Variants in CORO2B observed in about 807,000 individuals in gnomAD.
CORO2B encodes the protein coronin 2B.
In CORO2B, 26 loss-of-function variants were observed where a neutral mutation model predicts 58.8. The observed-to-expected ratio is 0.44, with a 90% CI of 0.32 to 0.61. CORO2B has a LOEUF of 0.61. Ranked by LOEUF, CORO2B falls within the 20% of genes least tolerant of loss-of-function variation. CORO2B has a pLI of 0.04. For missense variants in CORO2B, 460 were observed against 645.1 expected, an observed-to-expected ratio of 0.71 and a Z score of 3.11; for synonymous variants, 242 against 253.8, an observed-to-expected ratio of 0.95 and a Z score of 0.44.
intron 10 of CORO2B, 33 bp downstream of exon 10, chr15:68,719,267 C>A (rs938167781): frequency 6.2e-7 from 1 of 1,605,660 alleles, no homozygotes; most frequent in Admixed American, 1.7e-5. Context: ...AGAGCACAGG[C>A]GGCTGCAGCC....
chr15:68,622,015 C>T (rs1043054785), intron 1 of CORO2B, among the ~76,000 whole-genome samples: 13 of 152,112 alleles, frequency 8.5e-5, no homozygotes, highest in Admixed American at 1.3e-4. Context: ...ATCCTCCCAC[C>T]CCTAAGTGAT....
chr15:68,634,016 C>G (rs2140262911), intron 1 of CORO2B, among the ~76,000 whole-genome samples: 1 of 152,372 alleles, frequency 6.6e-6, no homozygotes, highest in East Asian at 1.9e-4. Flanking sequence ...ATGTCACAGG[C>G]AGGGAGCCTC....
chr15:68,677,124 G>T (rs879649391), intron 2 of CORO2B, among the ~76,000 whole-genome samples: 2 of 152,050 alleles, frequency 1.3e-5, no homozygotes, highest in Non-Finnish European at 2.9e-5. Context: ...GCCAGGCCTG[G>T]AGCCCCGGAG....
At chr15:68,631,449 C>T (rs1296585837) in intron 1 of CORO2B, among the ~76,000 whole-genome samples, 1 of 152,138 alleles carries the variant, frequency 6.6e-6, no homozygotes, top group Non-Finnish European at 1.5e-5. Context: ...CCAGTAGATA[C>T]CTAGTAAGTG....
intron 1 of CORO2B, among the ~76,000 whole-genome samples, chr15:68,610,886 T>G (rs1320534784): frequency 6.6e-6 from 1 of 152,160 alleles, no homozygotes; most frequent in Admixed American, 6.5e-5. Context: ...AGATGTGAAC[T>G]AACACCCAGA....
At chr15:68,719,747 C>T (rs1205637053) in intron 11 of CORO2B, among the ~76,000 whole-genome samples, 195 bp downstream of exon 11, 1 of 152,192 alleles carries the variant, frequency 6.6e-6, no homozygotes, top group African/African-American at 2.4e-5. Context: ...CTGGAGATAT[C>T]GGTTCCCCAC....
intron 1 of CORO2B, among the ~76,000 whole-genome samples, chr15:68,642,597 C>A (rs947868472): frequency 6.6e-6 from 1 of 152,210 alleles, no homozygotes; most frequent in African/African-American, 2.4e-5. Context: ...ATGGCCTCCA[C>A]GACTCACCTA....
intron 1 of CORO2B, chr15:68,641,441 G>A: frequency 2.6e-6 from 2 of 779,324 alleles, no homozygotes; most frequent in Middle Eastern, 1.3e-3. Context: ...GGATTTGGGG[G>A]AGAGAGGAAA....
intron 1 of CORO2B, among the ~76,000 whole-genome samples, chr15:68,610,585 C>T (rs796133029): frequency 9.9e-5 from 15 of 152,246 alleles, no homozygotes; most frequent in African/African-American, 2.9e-4. Context: ...CAGCATCCTG[C>T]GCGTTTAAAT....
At chr15:68,716,861 G>A (rs1418927585) in intron 8 of CORO2B, among the ~76,000 whole-genome samples, 1 of 149,398 alleles carries the variant, frequency 6.7e-6, no homozygotes, top group Admixed American at 6.7e-5. Context: ...GATGTTAGGA[G>A]ACCATCGGAG....
intron 1 of CORO2B, among the ~76,000 whole-genome samples, chr15:68,597,594 A>G (rs991806357): frequency 1.3e-5 from 2 of 151,670 alleles, no homozygotes; most frequent in East Asian, 3.9e-4. Flanking sequence ...CATTTAGCCA[A>G]TCACTTCTCC....
At chr15:68,723,968 G>A (rs1478641594) in intron 11 of CORO2B, among the ~76,000 whole-genome samples, 1 of 151,940 alleles carries the variant, frequency 6.6e-6, no homozygotes, top group African/African-American at 2.4e-5. Flanking sequence ...ACCTTGGGAG[G>A]CTGAGGGTGG....
chr15:68,659,740 C>G (rs1901952142), intron 2 of CORO2B, among the ~76,000 whole-genome samples: 1 of 152,184 alleles, frequency 6.6e-6, no homozygotes, highest in South Asian at 2.1e-4. Flanking sequence ...TCAAGACCAG[C>G]CTGGCCAACA....
chr15:68,714,061 G>C lies in CORO2B; in HGVS notation c.765+20G>C, dbSNP rs777152740. The C allele has an allele frequency of 1.9e-6, 3 of 1,555,820 alleles. No individual in the cohort carries two copies. In the Admixed American group the frequency reaches 5.0e-5, roughly 26 times the overall value. Reference sequence around the variant, plus strand: ...GACCAGGTCAGCCACGGGGAGGCCTGCTGGGTTTGGGCTAAAGGAAGCATC... The same window carrying C: ...GACCAGGTCAGCCACGGGGAGGCCTCCTGGGTTTGGGCTAAAGGAAGCATC... On this transcript the variant is annotated intron_variant, in intron 6 of 11. Coordinates refer to ENST00000261861, the MANE Select transcript of CORO2B (RefSeq NM_006091.5).
the CORO2B span, among the ~76,000 whole-genome samples, chr15:68,558,374 C>T: frequency 6.6e-6 from 1 of 151,874 alleles, no homozygotes; most frequent in Non-Finnish European, 1.5e-5. Flanking sequence ...TCCCCCTCAC[C>T]ATTTTTTTTT....
chr15:68,559,584 C>T, the CORO2B span: 2 of 985,186 alleles, frequency 2.0e-6, no homozygotes, highest in Non-Finnish European at 2.4e-6. The surrounding 1 kb of genome is among the most constrained non-coding windows in gnomAD (Gnocchi z 4.3). Flanking sequence ...AGGGACCAGA[C>T]GGGGAGCAGA....
chr15:68,648,951 C>T (rs763379826), intron 2 of CORO2B, among the ~76,000 whole-genome samples: 16 of 152,146 alleles, frequency 1.1e-4, no homozygotes, highest in East Asian at 1.9e-4. Flanking sequence ...TTAAAAAATA[C>T]GTGTGCAGCA....
At chr15:68,609,997 T>A (rs1009402671) in intron 1 of CORO2B, among the ~76,000 whole-genome samples, 1 of 152,182 alleles carries the variant, frequency 6.6e-6, no homozygotes, top group Non-Finnish European at 1.5e-5. Flanking sequence ...CTACCCACCC[T>A]CCTTCTCTTG....
chr15:68,567,299 G>A, the CORO2B span, among the ~76,000 whole-genome samples: 1 of 152,172 alleles, frequency 6.6e-6, no homozygotes, highest in Non-Finnish European at 1.5e-5. Context: ...CCATAAGAGA[G>A]TGAAGTTCAA....
Sources: allele counts gnomAD v4.1 joint callset (sites outside exome capture counted in the v4.1 genomes callset), GRCh38; gene constraint gnomAD v4.1.1; non-coding constraint Gnocchi (gnomAD v3.1); transcripts MANE v1.5; gene names NCBI Gene and HGNC (gene_info 2026-07-23, HGNC 2026-07-21).